Variants in POLA1 observed in about 807,000 individuals in gnomAD.
The protein encoded by POLA1 is DNA polymerase alpha catalytic subunit.
In POLA1, 15 loss-of-function variants were observed where a neutral mutation model predicts 124.0. The observed-to-expected ratio is 0.12, with a 90% confidence interval of 0.08 to 0.19. The LOEUF (loss-of-function observed/expected upper bound fraction) is 0.19. Among genes scored for constraint, POLA1 ranks in the 10% least tolerant of loss-of-function variants. The probability of loss-of-function intolerance (pLI) is 1.00; values close to 1 mark genes in which losing one functional copy is unlikely to be tolerated. For missense variants in POLA1, 886 were observed against 1,103.4 expected (o/e 0.80, Z 2.79); for synonymous variants, 408 against 389.4 (o/e 1.05, Z -0.56).
chrX:24,908,031 A>C (rs2047392262), intron 35 of POLA1, among the ~76,000 whole-genome samples: 1 of 111,323 alleles, frequency 9.0e-6, no homozygotes, highest in Non-Finnish European at 1.9e-5. Flanking sequence ...GACTATATAA[A>C]GAGATGTCAA....
intron 36 of POLA1, among the ~76,000 whole-genome samples, chrX:24,991,292 C>T (rs190267151): frequency 5.7e-4 from 63 of 110,873 alleles, no homozygotes; most frequent in African/African-American, 1.3e-3. Flanking sequence ...AATTTTCTTC[C>T]GACATGACAA....
intron 36 of POLA1, among the ~76,000 whole-genome samples, chrX:24,995,066 AAAAG>A (rs1311486886): frequency 7.2e-5 from 8 of 110,827 alleles, no homozygotes; most frequent in Admixed American, 4.8e-4. Flanking sequence ...CAAAAAAAAA[AAAAG>A]AAAGAAAAAA....
chrX:24,910,442 T>C (rs780250758), intron 35 of POLA1, among the ~76,000 whole-genome samples: 9 of 111,399 alleles, frequency 8.1e-5, no homozygotes, highest in African/African-American at 2.6e-4. Context: ...TGAGAGTTTT[T>C]AGCATGAAGC....
chrX:24,822,506 T>A, intron 31 of POLA1, among the ~76,000 whole-genome samples: 1 of 112,750 alleles, frequency 8.9e-6, no homozygotes, highest in Middle Eastern at 4.6e-3. Flanking sequence ...TGTTTTTAAA[T>A]CAGAGTCTTT....
At chrX:24,895,351 C>T (rs1391649277) in intron 35 of POLA1, among the ~76,000 whole-genome samples, 2 of 112,017 alleles carry the variant, frequency 1.8e-5, no homozygotes, top group African/African-American at 6.5e-5. Context: ...CTGCTCTTTT[C>T]TGTCATTCTC....
intron 36 of POLA1, among the ~76,000 whole-genome samples, chrX:24,970,447 G>A (rs2048288144): frequency 9.0e-6 from 1 of 111,588 alleles, no homozygotes; most frequent in South Asian, 3.7e-4. Context: ...AGCAAATATC[G>A]ACAAATGGAA....
chrX:24,790,886 C>G (rs892896374), intron 26 of POLA1, among the ~76,000 whole-genome samples: 1 of 94,589 alleles, frequency 1.1e-5, no homozygotes, highest in African/African-American at 3.9e-5. Context: ...GTATATACAG[C>G]CCCCACTCAT....
chrX:24,965,835 T>G (rs143779163), intron 36 of POLA1, among the ~76,000 whole-genome samples: 2 of 112,043 alleles, frequency 1.8e-5, no homozygotes, highest in African/African-American at 6.5e-5. Flanking sequence ...ACTTGTATGT[T>G]TTTGCAGCTT....
At chrX:24,923,940 C>T (rs924551920) in intron 35 of POLA1, among the ~76,000 whole-genome samples, 1 of 111,491 alleles carries the variant, frequency 9.0e-6, no homozygotes, top group Non-Finnish European at 1.9e-5. Flanking sequence ...ATAATCAAGA[C>T]GAATAATTTA....
chrX:24,972,618 G>A (rs1275239378), intron 36 of POLA1, among the ~76,000 whole-genome samples: 1 of 111,967 alleles, frequency 8.9e-6, no homozygotes, highest in Non-Finnish European at 1.9e-5. Context: ...GCATCACCCT[G>A]TATAGAATAA....
chrX:24,781,348 G>C (rs2045257556), intron 26 of POLA1, among the ~76,000 whole-genome samples: 1 of 111,300 alleles, frequency 9.0e-6, no homozygotes, highest in South Asian at 3.8e-4. Flanking sequence ...TTGTCCAGAG[G>C]TTATCAACGG....
At chrX:24,789,697 G>A (rs924138507) in intron 26 of POLA1, among the ~76,000 whole-genome samples, 5 of 111,869 alleles carry the variant, frequency 4.5e-5, no homozygotes, top group Admixed American at 9.5e-5. Context: ...ATTTTTATTC[G>A]TATTTAAAGA....
At chrX:24,811,868 A>G (rs1242285869) in intron 28 of POLA1, among the ~76,000 whole-genome samples, 1 of 112,428 alleles carries the variant, frequency 8.9e-6, no homozygotes, top group South Asian at 3.7e-4. Flanking sequence ...TCAAGGGGAC[A>G]TTTAAAAATA....
intron 26 of POLA1, among the ~76,000 whole-genome samples, chrX:24,773,645 A>G (rs952491942): frequency 1.8e-5 from 2 of 112,149 alleles, no homozygotes; most frequent in Non-Finnish European, 3.8e-5. Context: ...AATGTGAAGC[A>G]CTGAGAGTAG....
At position 24,757,828 on chromosome X, in the gene POLA1, C is replaced by T. The variant is rs754861300; in HGVS notation, c.2964+8836C>T. On this transcript the variant is annotated intron_variant, in intron 26 of 36. Coordinates refer to ENST00000379068, the MANE Select transcript of POLA1 (RefSeq NM_001330360.2). ...TTCAGATTTTTGAATTAGGGATGCT[C>T]ATCCAGTATAATGTAAATATTCCAA... 2.7e-5 allele frequency among the ~76,000 whole-genome samples: 3 copies of T among 111,595 alleles called. No homozygotes were observed. The South Asian group carries it at 1.1e-3, about 42-fold the overall frequency.
intron 35 of POLA1, among the ~76,000 whole-genome samples, chrX:24,905,286 T>A (rs1601854835): frequency 9.2e-6 from 1 of 108,351 alleles, no homozygotes; most frequent in South Asian, 4.1e-4. Context: ...AAAATGAAAA[T>A]ACCAACAATT....
At chrX:24,921,243 T>C (rs925556934) in intron 35 of POLA1, among the ~76,000 whole-genome samples, 1 of 112,648 alleles carries the variant, frequency 8.9e-6, no homozygotes, top group Non-Finnish European at 1.9e-5. Context: ...CATTTAGTTA[T>C]TGAACAGGCA....
In POLA1 at chrX:24,904,388, C is replaced by A. The variant is rs185220292; in HGVS notation, c.4164+16266C>A. 4.5e-5 allele frequency among the ~76,000 whole-genome samples: 5 copies of A among 110,120 alleles called. No homozygotes were observed. In the East Asian group the frequency reaches 1.4e-3, roughly 31 times the overall value. On this transcript the variant is annotated intron_variant, in intron 35 of 36. Transcript: ENST00000379068. ...GAAGCAAGTAGTGGCAAAGGTAACACCCAGAGAGAATGTAGAAATCCCCAT... is the reference window on the plus strand; with the variant it reads ...GAAGCAAGTAGTGGCAAAGGTAACAACCAGAGAGAATGTAGAAATCCCCAT...
intron 28 of POLA1, among the ~76,000 whole-genome samples, chrX:24,811,074 C>T (rs1005515443): frequency 9.0e-6 from 1 of 110,776 alleles, no homozygotes; most frequent in East Asian, 2.8e-4. Context: ...CTCAGCCTCC[C>T]GAGTAGCTGG....
Sources: gnomAD v4.1 joint callset for allele counts (sites outside exome capture counted in the v4.1 genomes callset) on GRCh38, gnomAD v4.1.1 for gene constraint, MANE v1.5 for transcripts, NCBI Gene and HGNC (gene_info 2026-07-23, HGNC 2026-07-21) for gene names.